GALK2: variants seen among roughly 807,000 people sequenced by gnomAD.
GALK2 encodes the protein N-acetylgalactosamine kinase.
A neutral mutation model predicts 52.4 loss-of-function variants in GALK2; 36 were observed. That is an observed-to-expected ratio of 0.69 (90% CI 0.53 to 0.91). The LOEUF (loss-of-function observed/expected upper bound fraction) is 0.91, where lower values mean the gene tolerates loss of function less well. Among genes scored for constraint, GALK2 ranks in the 40% least tolerant of loss-of-function variants. The probability of loss-of-function intolerance (pLI) is 0.00; values close to 1 mark genes in which losing one functional copy is unlikely to be tolerated. For missense variants in GALK2, 579 were observed against 559.1 expected, an observed-to-expected ratio of 1.04 and a Z score of -0.36; for synonymous variants, 176 against 199.1, an observed-to-expected ratio of 0.88 and a Z score of 0.98.
At chr15:49,347,405 G>A (rs1217492223) in intron 3 of GALK2, among the ~76,000 whole-genome samples, 1 of 152,126 alleles carries the variant, frequency 6.6e-6, no homozygotes, top group African/African-American at 2.4e-5. Flanking sequence ...GTAGATGAAG[G>A]TGCTTCTCCT....
At chr15:49,354,042 C>A (rs2042663195) in intron 3 of GALK2, 1 of 152,134 alleles carries the variant, frequency 6.6e-6, no homozygotes, top group African/African-American at 2.4e-5. Context: ...CTTCTGGAGT[C>A]TCAGAGTTCT....
At chr15:49,302,361 T>G (rs1222179859) in intron 8 of GALK2, among the ~76,000 whole-genome samples, 3 of 152,302 alleles carry the variant, frequency 2.0e-5, no homozygotes, top group Middle Eastern at 3.4e-3. Flanking sequence ...TTAGAAGAGA[T>G]AAGACTGTGT....
intron 5 of GALK2, among the ~76,000 whole-genome samples, chr15:49,256,270 T>C (rs1466512679): frequency 6.6e-6 from 1 of 152,176 alleles, no homozygotes; most frequent in African/African-American, 2.4e-5. Context: ...TGATCAGTAG[T>C]ATATATAACT....
At chr15:49,163,838 TA>T (rs1431895125) in intron 1 of GALK2, among the ~76,000 whole-genome samples, 4 of 152,202 alleles carry the variant, frequency 2.6e-5, no homozygotes, top group Non-Finnish European at 1.5e-5. Context: ...TGTGTTTAAG[TA>T]AACTTTAGCA....
At chr15:49,177,275 T>C (rs2085533489) in intron 1 of GALK2, among the ~76,000 whole-genome samples, 1 of 152,128 alleles carries the variant, frequency 6.6e-6, no homozygotes, top group African/African-American at 2.4e-5. Context: ...CTATGTTATA[T>C]GCATACTTTA....
intron 2 of GALK2, among the ~76,000 whole-genome samples, chr15:49,216,901 C>A (rs926270297): frequency 6.6e-6 from 1 of 152,298 alleles, no homozygotes; most frequent in East Asian, 1.9e-4. Flanking sequence ...CTTTCCTGTC[C>A]TCTTCAATTC....
intron 3 of GALK2, among the ~76,000 whole-genome samples, chr15:49,352,182 G>A (rs2042352187): frequency 6.6e-6 from 1 of 152,194 alleles, no homozygotes; most frequent in African/African-American, 2.4e-5. Context: ...CTAGTTCCAA[G>A]AGCAAGCATC....
chr15:49,295,806 G>A (rs1228394004), intron 8 of GALK2, among the ~76,000 whole-genome samples: 1 of 152,130 alleles, frequency 6.6e-6, no homozygotes, highest in Non-Finnish European at 1.5e-5. Flanking sequence ...TGTCTTAAAA[G>A]CTTAATATAA....
Position 49,282,045 on chromosome 15 carries a change from G to T in GALK2, c.563G>T (p.Gly188Val). The change falls in exon 6 of 10, where the codon GGC (glycine) becomes GTC (valine). Residue 188 changes from glycine to valine, a missense_variant. By Grantham distance (109) the Gly-to-Val change is moderately radical (BLOSUM62 -3). Transcript: ENST00000560031. ...SERYIGTEGGGMDQSISFLAE... is the reference protein window; with the variant it reads ...SERYIGTEGGVMDQSISFLAE... ...CGTTACATTGGCACTGAAGGAGGAG[G>T]CATGGACCAGTCTATATCATTTCTT... 1 of 1,613,744 alleles carries T rather than the reference G, an allele frequency of 6.2e-7. No homozygotes were observed. Among genetic ancestry groups the T allele is most frequent in the African/African-American group, 1.3e-5 (1 of 75,020 alleles).
chr15:49,342,849 G>A (rs888365916), intron 3 of GALK2, among the ~76,000 whole-genome samples: 2 of 152,106 alleles, frequency 1.3e-5, no homozygotes, highest in African/African-American at 2.4e-5. Context: ...GCTGAAAATA[G>A]GCCCCCAATC....
intron 7 of GALK2, among the ~76,000 whole-genome samples, chr15:49,288,635 C>CGT (rs2033628855): frequency 6.6e-6 from 1 of 152,176 alleles, no homozygotes; most frequent in South Asian, 2.1e-4. Context: ...TGCCAAGACT[C>CGT]TGGCATGGAG....
intron 3 of GALK2, among the ~76,000 whole-genome samples, chr15:49,356,001 G>A (rs1389687239): frequency 6.6e-6 from 1 of 151,524 alleles, no homozygotes; most frequent in Non-Finnish European, 1.5e-5. Flanking sequence ...AGCTTCATAA[G>A]TGAAGGAGAA....
chr15:49,228,083 C>T (rs973834112), intron 3 of GALK2, among the ~76,000 whole-genome samples: 2 of 152,006 alleles, frequency 1.3e-5, no homozygotes, highest in Non-Finnish European at 2.9e-5. Context: ...CTGAGAAATC[C>T]ACTGTTGTTT....
chr15:49,262,242 C>T (rs899969393), intron 5 of GALK2, among the ~76,000 whole-genome samples: 11 of 152,168 alleles, frequency 7.2e-5, no homozygotes, highest in Non-Finnish European at 1.5e-5. Flanking sequence ...GCCACAATTT[C>T]AGAGCCTGTT....
At chr15:49,257,191 T>C (rs918153277) in intron 5 of GALK2, among the ~76,000 whole-genome samples, 20 of 152,192 alleles carry the variant, frequency 1.3e-4, no homozygotes, top group African/African-American at 4.8e-4. Context: ...GGGTTCCGCC[T>C]AGTTGCTAAT....
intron 3 of GALK2, chr15:49,365,773 GC>G: frequency 1.2e-6 from 1 of 855,524 alleles, no homozygotes; most frequent in Admixed American, 1.7e-5. Flanking sequence ...TTGAAACACA[GC>G]CCAAACAATA....
intron 8 of GALK2, among the ~76,000 whole-genome samples, chr15:49,312,928 T>C (rs1875650709): frequency 6.6e-6 from 1 of 152,198 alleles, no homozygotes; most frequent in South Asian, 2.1e-4. Flanking sequence ...CATTATGGCA[T>C]GATGACCCAC....
At chr15:49,260,732 T>A (rs1595871937) in intron 5 of GALK2, among the ~76,000 whole-genome samples, 1 of 152,214 alleles carries the variant, frequency 6.6e-6, no homozygotes, top group South Asian at 2.1e-4. Flanking sequence ...CCATCTTGAA[T>A]TGATTTTTGT....
chr15:49,214,084 C>T (rs1012686182), intron 2 of GALK2, among the ~76,000 whole-genome samples: 17 of 152,060 alleles, frequency 1.1e-4, no homozygotes, highest in African/African-American at 2.9e-4. Flanking sequence ...CATGCCACTG[C>T]ACTCCAGCCT....
Sources: gnomAD v4.1 joint callset for allele counts (sites outside exome capture counted in the v4.1 genomes callset) on GRCh38, gnomAD v4.1.1 for gene constraint, MANE v1.5 for transcripts, NCBI Gene and HGNC (gene_info 2026-07-23, HGNC 2026-07-21) for gene names.